The following SLC6A6 variants were observed in gnomAD, a reference collection of about 807,000 sequenced individuals.
SLC6A6 encodes the protein sodium- and chloride-dependent taurine transporter.
In SLC6A6, 16 loss-of-function variants were observed where a neutral mutation model predicts 68.8. The observed-to-expected ratio is 0.23, with a 90% CI of 0.16 to 0.35. The LOEUF is 0.35. Ranked by LOEUF, SLC6A6 falls within the 10% of genes least tolerant of loss-of-function variation. SLC6A6 has a pLI of 1.00. For synonymous variants in SLC6A6, 312 were observed against 315.4 expected (o/e 0.99, Z 0.12); for missense variants, 474 against 802.8 (o/e 0.59, Z 4.95).
chr3:14,424,729 G>T (rs1391535237), intron 2 of SLC6A6, among the ~76,000 whole-genome samples: 1 of 152,210 alleles, frequency 6.6e-6, no homozygotes, highest in Admixed American at 6.5e-5. Flanking sequence ...GACAAACCCT[G>T]CCTTCAACCA....
chr3:14,475,177 A>G (rs1250916077), intron 10 of SLC6A6, among the ~76,000 whole-genome samples: 1 of 151,392 alleles, frequency 6.6e-6, no homozygotes, highest in African/African-American at 2.4e-5. Flanking sequence ...GATTACAGGC[A>G]TGTGCCACCA....
chr3:14,444,609 C>T (rs530910284), intron 3 of SLC6A6: 12 of 400,482 alleles, frequency 3.0e-5, no homozygotes, highest in East Asian at 1.4e-4. Context: ...GAACTGCTCA[C>T]GGCTGGTGAC....
chr3:14,443,744 A>G lies in SLC6A6; in HGVS notation c.110A>G (p.Lys37Arg). 6.2e-7 allele frequency: 1 copy of G among 1,614,082 alleles called. No homozygotes were observed. Among genetic ancestry groups the G allele is most frequent in the Non-Finnish European group, 8.5e-7 (1 of 1,179,914 alleles). Residue 37 changes from lysine (K) to arginine (R), a missense_variant, in exon 3 of 15, where the codon AAA becomes AGA. Lys to Arg is a conservative substitution (Grantham distance 26, BLOSUM62 2). Coordinates refer to ENST00000622186, the MANE Select transcript of SLC6A6 (RefSeq NM_003043.6). Reference sequence around the variant, plus strand: ...CGGCCTGAGGACGAGGCTGAGGGAAAACCTCCGCAGAGGGAGAAGTGGTCT... The same window carrying G: ...CGGCCTGAGGACGAGGCTGAGGGAAGACCTCCGCAGAGGGAGAAGTGGTCT... ...GTRPEDEAEG[K>R]PPQREKWSSK...
intron 5 of SLC6A6, among the ~76,000 whole-genome samples, chr3:14,453,947 G>A (rs1529942): frequency 0.43 from 65,580 of 152,078 alleles, 14,457 homozygotes; most frequent in African/African-American, 0.51. Context: ...GAAGGAGGAG[G>A]AAGTGATGCT....
intron 2 of SLC6A6, among the ~76,000 whole-genome samples, chr3:14,438,136 C>T (rs986086961): frequency 4.6e-5 from 7 of 151,906 alleles, no homozygotes; most frequent in Non-Finnish European, 8.8e-5. Flanking sequence ...TGAGCCACCA[C>T]GCCTGGCCCA....
chr3:14,435,323 A>G (rs1699826780), intron 2 of SLC6A6, among the ~76,000 whole-genome samples: 1 of 152,178 alleles, frequency 6.6e-6, no homozygotes, highest in Non-Finnish European at 1.5e-5. Flanking sequence ...AGTGTGATCC[A>G]GGCAGGAGGC....
Position 14,467,975 on chromosome 3 carries a change from G to A in SLC6A6, c.971+19G>A, listed in dbSNP as rs1700659958. On this transcript the variant is annotated intron_variant, in intron 8 of 14. Coordinates refer to ENST00000622186, the MANE Select transcript of SLC6A6 (RefSeq NM_003043.6). ...CGTACAGGCAAGTGTTGCGCCGGCG[G>A]GCCTGGTGGACTTTAGAAATGATGA... is the stretch of plus-strand genomic sequence containing the variant. The A allele has an allele frequency of 6.2e-7, 1 of 1,609,324 alleles. No homozygotes were observed. Among genetic ancestry groups the A allele is most frequent in the Non-Finnish European group, 8.5e-7 (1 of 1,176,064 alleles).
chr3:14,447,519 A>G, intron 4 of SLC6A6, 63 bp from the exon 5 acceptor site: 2 of 1,592,166 alleles, frequency 1.3e-6, no homozygotes, highest in Non-Finnish European at 1.7e-6. Context: ...CCAGTTGAGT[A>G]TGTGGCCGTG....
At chr3:14,483,157 C>T (rs1414268302) in intron 14 of SLC6A6, among the ~76,000 whole-genome samples, 1 of 152,116 alleles carries the variant, frequency 6.6e-6, no homozygotes, top group East Asian at 1.9e-4. Context: ...GTCCAGCCCA[C>T]ATTTAGAAGT....
At chr3:14,443,997 G>T in intron 3 of SLC6A6, 134 bp downstream of exon 3, 1 of 643,564 alleles carries the variant, frequency 1.6e-6, no homozygotes. Flanking sequence ...CATGAGGTCA[G>T]CCTGCCATGC....
In SLC6A6 at chr3:14,402,772, G is replaced by T. The variant is rs1422109488; in HGVS notation, c.-129G>T. 1 of 398,006 alleles carries T rather than the reference G, an allele frequency of 2.5e-6. No individual in the cohort carries two copies. Among genetic ancestry groups the T allele is most frequent in the Non-Finnish European group, 4.4e-6 (1 of 225,742 alleles). 24.7% of individuals were successfully genotyped at this position (398,006 alleles called of 1,614,324 possible). On this transcript the variant is annotated 5_prime_UTR_variant, in exon 1 of 15. Transcript: ENST00000622186. This position sits in a 1 kb window ranked among gnomAD's most constrained non-coding sequence, Gnocchi z 4.8. The stretch of plus-strand genomic sequence containing the variant: ...GCGTTCACCCAGCGGGTCAGAGAGC[G>T]AGCGGGCAGGCAGCCCCCGGCCGGC...
At position 14,447,723 on chromosome 3, in the gene SLC6A6, C is replaced by T; in HGVS notation, c.506C>T (p.Pro169Leu). The change falls in exon 5 of 15, where the codon CCT becomes CTT. Residue 169 changes from proline (P) to leucine (L), a missense_variant. Transcript: ENST00000622186. The part of the protein sequence containing the change: ...WAHCNHSWNT[P>L]HCMEDTMRKN... ...CACTGCAACCACAGCTGGAACACACCTCACTGCATGGAGGACACCATGCGC... is the reference window on the plus strand; with the variant it reads ...CACTGCAACCACAGCTGGAACACACTTCACTGCATGGAGGACACCATGCGC... 6.2e-6 allele frequency: 10 copies of T among 1,614,256 alleles called. No homozygotes were observed. The highest frequency in any genetic ancestry group is 7.6e-6 in the Non-Finnish European group (9 of 1,180,034).
intron 2 of SLC6A6, among the ~76,000 whole-genome samples, chr3:14,440,059 A>AGTAG (rs1439264845): frequency 1.3e-5 from 2 of 152,178 alleles, no homozygotes; most frequent in Non-Finnish European, 2.9e-5. Context: ...AAGAGGAGAT[A>AGTAG]GTCTCAAGTC....
intron 5 of SLC6A6, among the ~76,000 whole-genome samples, chr3:14,457,183 C>T (rs1164745354): frequency 1.3e-5 from 2 of 152,138 alleles, no homozygotes; most frequent in Admixed American, 6.5e-5. Context: ...CAAAGACCCA[C>T]GCTCTGCCGT....
In SLC6A6 at chr3:14,450,850, C is replaced by T. The variant is rs747262874; in HGVS notation, c.599+3034C>T. ...AGAACCAGTAGGGAATAGTTGACTC[C>T]TGTGAGCATAGTACTAGGAACTTGC... On this transcript the variant is annotated intron_variant, in intron 5 of 14. Coordinates refer to ENST00000622186, the MANE Select transcript of SLC6A6 (RefSeq NM_003043.6). This position sits in a 1 kb window ranked among gnomAD's most constrained non-coding sequence, Gnocchi z 4.1. 6.6e-6 allele frequency among the ~76,000 whole-genome samples: 1 copy of T among 152,248 alleles called. No individual in the cohort carries two copies. The highest frequency in any genetic ancestry group is 1.5e-5 in the Non-Finnish European group (1 of 68,046).
intron 1 of SLC6A6, among the ~76,000 whole-genome samples, chr3:14,403,878 T>C (rs1328904649): frequency 1.3e-5 from 2 of 152,214 alleles, no homozygotes; most frequent in East Asian, 3.9e-4. Context: ...TGGGCAGCTC[T>C]CCCAGGCAGG....
intron 1 of SLC6A6, among the ~76,000 whole-genome samples, chr3:14,404,487 C>A (rs747209786): frequency 6.6e-6 from 1 of 152,162 alleles, no homozygotes; most frequent in African/African-American, 2.4e-5. Context: ...CTTGGGCAAC[C>A]CTTTTTCTGC....
chr3:14,414,690 T>G lies in SLC6A6; in HGVS notation c.-53-1722T>G, dbSNP rs1699325873. The stretch of plus-strand genomic sequence containing the variant: ...ACAGGCATGTGCCACCATACCCAGC[T>G]AATTTTTAAATTTTATTTTTTTGTA... On this transcript the variant is annotated intron_variant, in intron 1 of 14. Coordinates refer to ENST00000622186, the MANE Select transcript of SLC6A6 (RefSeq NM_003043.6). Among the ~76,000 whole-genome samples the G allele has an allele frequency of 2.0e-5, 3 of 152,252 alleles. No individual in the cohort carries two copies. The South Asian group carries it at 6.2e-4, about 32-fold the overall frequency.
intron 10 of SLC6A6, among the ~76,000 whole-genome samples, chr3:14,476,531 C>T (rs922991345): frequency 2.0e-5 from 3 of 152,186 alleles, no homozygotes; most frequent in African/African-American, 4.8e-5. Context: ...AGCGTGTGTG[C>T]GCACATGCAA....
Sources: gnomAD v4.1 joint callset for allele counts (sites outside exome capture counted in the v4.1 genomes callset) on GRCh38, gnomAD v4.1.1 for gene constraint, Gnocchi (gnomAD v3.1) non-coding constraint, MANE v1.5 for transcripts, NCBI Gene and HGNC (gene_info 2026-07-23, HGNC 2026-07-21) for gene names.